The following PTPRD variants were observed in gnomAD, a reference collection of about 807,000 sequenced individuals.
PTPRD encodes receptor-type tyrosine-protein phosphatase delta.
A neutral mutation model predicts 214.5 loss-of-function variants in PTPRD; 34 were observed. The ratio of observed to expected loss-of-function variants is 0.16; its 90% CI spans 0.12 to 0.21. The LOEUF is 0.21. PTPRD is among the 10% of genes least tolerant of loss of function. The pLI, the probability that PTPRD is intolerant of heterozygous loss-of-function variation, is 1.00. For missense variants in PTPRD, 2,545 were observed against 2,398.7 expected (o/e 1.06, Z -1.27); for synonymous variants, 1,128 against 845.7 (o/e 1.33, Z -5.79).
chr9:8,340,584 C>G (rs961756830), intron 41 of PTPRD, 115 bp from the exon 42 acceptor site: 6 of 1,026,818 alleles, frequency 5.8e-6, no homozygotes, highest in Admixed American at 5.9e-5. Flanking sequence ...ATTATTAATG[C>G]AATTGAGGTA....
chr9:8,451,757 C>T (rs1564907649), intron 33 of PTPRD: 3 of 340,350 alleles, frequency 8.8e-6, no homozygotes, highest in Non-Finnish European at 1.7e-5. Flanking sequence ...GGCAAGGATG[C>T]ATTTCTTTAC....
Position 9,848,392 on chromosome 9 carries a change from G to A in PTPRD, c.-367-81541C>T, listed in dbSNP as rs556328912. 4.2e-4 allele frequency among the ~76,000 whole-genome samples: 64 copies of A among 152,182 alleles called. 1 individual carries two copies. The highest frequency in any genetic ancestry group is 1.3e-3 in the African/African-American group (54 of 41,540). On this transcript the variant is annotated intron_variant, in intron 5 of 45. Coordinates refer to ENST00000381196, the MANE Select transcript of PTPRD (RefSeq NM_002839.4). ...ATTTCAAAAGTAGAATCAAAATCAC[G>A]TAAAATGATGGTAAATGCTTAGATG...
intron 7 of PTPRD, among the ~76,000 whole-genome samples, chr9:9,582,920 C>A (rs766416588): frequency 5.9e-5 from 9 of 152,032 alleles, no homozygotes; most frequent in Non-Finnish European, 1.2e-4. Flanking sequence ...AAACCATTAA[C>A]CTCCCAGAGC....
chr9:9,183,680 T>C (rs1013051489), intron 9 of PTPRD, among the ~76,000 whole-genome samples: 79 of 152,160 alleles, frequency 5.2e-4, no homozygotes, highest in African/African-American at 1.9e-3. Context: ...CAACATCAGT[T>C]TCATTAAGTC....
rs2096980991 is a variant in PTPRD, at chr9:8,485,494, G to C, written c.3056-170C>G. On this transcript the variant is annotated intron_variant, in intron 28 of 45. Coordinates refer to ENST00000381196, the MANE Select transcript of PTPRD (RefSeq NM_002839.4). ...TTCATTTTAATACCCCATTCTCACA[G>C]AGATCTTTCCTTTCTCTCCAATTCA... 9.6e-6 allele frequency: 6 copies of C among 623,316 alleles called. 1 individual carries two copies. The highest frequency in any genetic ancestry group is 6.2e-5 in the South Asian group (3 of 48,562). The allele number at this position is 623,316 out of a possible 1,614,324, so 38.6% of individuals were successfully genotyped here. A position where few individuals can be genotyped will look rare whatever the true frequency, so the allele number is the denominator to read the frequency against.
intron 3 of PTPRD, among the ~76,000 whole-genome samples, chr9:10,260,030 G>A (rs1221965748): frequency 6.6e-6 from 1 of 152,310 alleles, no homozygotes; most frequent in East Asian, 1.9e-4. Context: ...CTAGTCCTTT[G>A]TGGTGGTTGT....
chr9:8,796,977 T>TA (rs1403024712), intron 11 of PTPRD, among the ~76,000 whole-genome samples: 7 of 152,076 alleles, frequency 4.6e-5, no homozygotes, highest in African/African-American at 1.7e-4. Flanking sequence ...CCAAGTAAAA[T>TA]TTTCTGTAAT....
intron 10 of PTPRD, among the ~76,000 whole-genome samples, chr9:9,122,234 T>C (rs546432972): frequency 3.3e-5 from 5 of 152,320 alleles, no homozygotes; most frequent in Admixed American, 3.3e-4. Flanking sequence ...GCTTTGCTGA[T>C]TAAGAGAAGC....
intron 7 of PTPRD, among the ~76,000 whole-genome samples, chr9:9,677,514 A>G (rs1018951352): frequency 2.0e-5 from 3 of 152,180 alleles, no homozygotes; most frequent in Admixed American, 2.0e-4. Flanking sequence ...GACAAAATTC[A>G]ACAACACTTC....
In PTPRD at chr9:10,009,427, G is replaced by A. The variant is rs116089121; in HGVS notation, c.-472+24291C>T. Among the ~76,000 whole-genome samples the A allele has an allele frequency of 2.7e-3, 417 of 152,094 alleles. 3 individuals are homozygous for A. The highest frequency in any genetic ancestry group is 9.4e-3 in the African/African-American group (392 of 41,518). On this transcript the variant is annotated intron_variant, in intron 4 of 45. Coordinates refer to ENST00000381196, the MANE Select transcript of PTPRD (RefSeq NM_002839.4). ...AAAGCCAGGACAACTCAAAGCAGGG[G>A]TTTCCAGGTCATAGGTGGATTCACA...
intron 3 of PTPRD, among the ~76,000 whole-genome samples, chr9:10,328,327 C>A (rs577465933): frequency 6.6e-6 from 1 of 151,048 alleles, no homozygotes; most frequent in South Asian, 2.1e-4. Flanking sequence ...TGAATTACAC[C>A]CGGTACTTGA....
chr9:10,284,959 T>C (rs1020834653), intron 3 of PTPRD, among the ~76,000 whole-genome samples: 51 of 152,194 alleles, frequency 3.4e-4, no homozygotes, highest in Admixed American at 3.3e-3. Flanking sequence ...GTCTTCTATA[T>C]CAGCACTTCA....
At chr9:8,974,597 G>T (rs781076399) in intron 11 of PTPRD, among the ~76,000 whole-genome samples, 1 of 151,898 alleles carries the variant, frequency 6.6e-6, no homozygotes, top group Non-Finnish European at 1.5e-5. Flanking sequence ...TAGAGGAATG[G>T]CCATTTCCCT....
chr9:10,099,330 T>A (rs1339210434), intron 3 of PTPRD, among the ~76,000 whole-genome samples: 1 of 151,518 alleles, frequency 6.6e-6, no homozygotes, highest in East Asian at 1.9e-4. Flanking sequence ...TAAAATAACA[T>A]CCTCCAAAAG....
chr9:9,267,278 T>G (rs771621305), intron 9 of PTPRD, among the ~76,000 whole-genome samples: 6 of 151,288 alleles, frequency 4.0e-5, no homozygotes, highest in Admixed American at 1.3e-4. Flanking sequence ...ACTATTTGAA[T>G]AATATCAACA....
At chr9:9,931,917 C>A (rs7029149) in intron 5 of PTPRD, among the ~76,000 whole-genome samples, 8,728 of 151,290 alleles carry the variant, frequency 0.058, 423 homozygotes, top group East Asian at 0.18. Context: ...GGGTCCCTGA[C>A]CCCTGACCCC....
chr9:10,092,976 TA>T (rs199868296), intron 3 of PTPRD, among the ~76,000 whole-genome samples: 163 of 151,804 alleles, frequency 1.1e-3, no homozygotes, highest in African/African-American at 3.8e-3. Context: ...GATTTAGATG[TA>T]AAACTTCAAA....
At chr9:8,566,919 T>A (rs1277065367) in intron 14 of PTPRD, among the ~76,000 whole-genome samples, 1 of 152,130 alleles carries the variant, frequency 6.6e-6, no homozygotes, top group African/African-American at 2.4e-5. Flanking sequence ...CTGCTCCAAG[T>A]AAAAACTTCA....
At chr9:9,285,216 G>C (rs920521964) in intron 9 of PTPRD, among the ~76,000 whole-genome samples, 1 of 151,446 alleles carries the variant, frequency 6.6e-6, no homozygotes, top group African/African-American at 2.4e-5. Context: ...TCTGAAAATA[G>C]TACTTGTCTT....
Sources: allele counts gnomAD v4.1 joint callset (sites outside exome capture counted in the v4.1 genomes callset), GRCh38; gene constraint gnomAD v4.1.1; transcripts MANE v1.5; gene names NCBI Gene and HGNC (gene_info 2026-07-23, HGNC 2026-07-21).